UNC13C: variants seen among roughly 807,000 people sequenced by gnomAD.
UNC13C encodes protein unc-13 homolog C.
A neutral mutation model predicts 245.4 loss-of-function variants in UNC13C; 174 were observed. The observed-to-expected ratio is 0.71, with a 90% CI of 0.63 to 0.80. The LOEUF (loss-of-function observed/expected upper bound fraction) is 0.80. Among genes scored for constraint, UNC13C ranks in the 30% least tolerant of loss-of-function variants. The probability of loss-of-function intolerance (pLI) is 0.00; values close to 1 mark genes in which losing one functional copy is unlikely to be tolerated. For synonymous variants in UNC13C, 992 were observed against 895.1 expected (o/e 1.11, Z -1.93); for missense variants, 2,829 against 2,602.9 (o/e 1.09, Z -1.89).
chr15:54,625,790 A>ACTAT (rs1264461616), intron 32 of UNC13C, among the ~76,000 whole-genome samples: 2 of 152,114 alleles, frequency 1.3e-5, no homozygotes, highest in Non-Finnish European at 2.9e-5. Flanking sequence ...ACAACATTTC[A>ACTAT]CTATCTACTT....
intron 28 of UNC13C, among the ~76,000 whole-genome samples, chr15:54,550,121 T>G (rs1896673871): frequency 6.6e-6 from 1 of 152,186 alleles, no homozygotes; most frequent in African/African-American, 2.4e-5. Flanking sequence ...CCCAAAACAC[T>G]GGATTTAGGC....
intron 13 of UNC13C, among the ~76,000 whole-genome samples, chr15:54,313,748 T>G (rs1029990947): frequency 1.3e-5 from 2 of 151,616 alleles, no homozygotes; most frequent in African/African-American, 4.8e-5. Context: ...AAGGAACAGA[T>G]ACGTATACAA....
intron 2 of UNC13C, among the ~76,000 whole-genome samples, chr15:54,087,814 A>G (rs943011933): frequency 6.6e-6 from 1 of 152,202 alleles, no homozygotes; most frequent in East Asian, 1.9e-4. Context: ...AACAGTTACC[A>G]AAGTTTTTGT....
chr15:54,483,482 C>T (rs11071084), intron 19 of UNC13C, among the ~76,000 whole-genome samples: 62,727 of 151,780 alleles, frequency 0.41, 13,233 homozygotes, highest in East Asian at 0.62. Context: ...ATGAGAATTA[C>T]GCTGTTTTCT....
chr15:54,125,914 A>G (rs1049381009), intron 2 of UNC13C, among the ~76,000 whole-genome samples: 2 of 152,142 alleles, frequency 1.3e-5, no homozygotes, highest in African/African-American at 4.8e-5. Flanking sequence ...AACTGCCAAT[A>G]TCATGAATTA....
intron 27 of UNC13C, among the ~76,000 whole-genome samples, chr15:54,548,224 T>G (rs1233718478): frequency 2.2e-5 from 2 of 90,824 alleles, no homozygotes; most frequent in South Asian, 3.7e-4. Flanking sequence ...TTTTTTTTTT[T>G]TTTTTTTTTT....
At chr15:54,386,934 TC>T (rs1282889408) in intron 17 of UNC13C, among the ~76,000 whole-genome samples, 9 of 152,110 alleles carry the variant, frequency 5.9e-5, no homozygotes, top group Admixed American at 5.9e-4. Flanking sequence ...AAATTCTCTT[TC>T]TCAATCCTGT....
intron 1 of UNC13C, among the ~76,000 whole-genome samples, chr15:53,990,404 G>A (rs758196557): frequency 3.9e-4 from 59 of 152,120 alleles, no homozygotes; most frequent in African/African-American, 1.4e-3. Flanking sequence ...GGGCTCTTCT[G>A]TCTTGCCCTC....
chr15:54,498,538 T>A (rs1894054093), intron 20 of UNC13C, among the ~76,000 whole-genome samples: 1 of 152,158 alleles, frequency 6.6e-6, no homozygotes, highest in African/African-American at 2.4e-5. Context: ...AGGAAGTAGA[T>A]GAAAATTCAA....
chr15:53,964,486 T>C, the UNC13C span, among the ~76,000 whole-genome samples: 1 of 152,168 alleles, frequency 6.6e-6, no homozygotes, highest in African/African-American at 2.4e-5. Context: ...AATTACTGGG[T>C]AGCCAATATT....
At chr15:54,602,058 T>C (rs1342935386) in intron 30 of UNC13C, among the ~76,000 whole-genome samples, 3 of 140,508 alleles carry the variant, frequency 2.1e-5, no homozygotes, top group Admixed American at 7.3e-5. Flanking sequence ...CCCTTGGCCA[T>C]TTTATTCTGG....
At chr15:54,101,907 G>C (rs1322163080) in intron 2 of UNC13C, among the ~76,000 whole-genome samples, 3 of 151,610 alleles carry the variant, frequency 2.0e-5, no homozygotes, top group Non-Finnish European at 1.5e-5. Flanking sequence ...TTATACTTGG[G>C]TAACCTAGAG....
intron 2 of UNC13C, among the ~76,000 whole-genome samples, chr15:54,133,054 T>G (rs2031524591): frequency 6.6e-6 from 1 of 152,200 alleles, no homozygotes; most frequent in African/African-American, 2.4e-5. Flanking sequence ...AATGTAGGCA[T>G]TAGGTATTAT....
chr15:54,583,247 A>G (rs1325278397), intron 30 of UNC13C, among the ~76,000 whole-genome samples: 1 of 152,198 alleles, frequency 6.6e-6, no homozygotes, highest in Non-Finnish European at 1.5e-5. Context: ...AAACCTCTAG[A>G]TAAAAGAAAC....
intron 10 of UNC13C, among the ~76,000 whole-genome samples, chr15:54,271,852 AC>A (rs2036695720): frequency 6.6e-6 from 1 of 152,232 alleles, no homozygotes; most frequent in South Asian, 2.1e-4. Flanking sequence ...TAAGTATTCT[AC>A]GTATGTAACC....
intron 17 of UNC13C, among the ~76,000 whole-genome samples, chr15:54,339,632 T>G (rs1374020948): frequency 9.9e-6 from 1 of 101,004 alleles, no homozygotes; most frequent in African/African-American, 3.7e-5. Flanking sequence ...AGTATTCCAT[T>G]ATGTGGAGAT....
intron 17 of UNC13C, among the ~76,000 whole-genome samples, chr15:54,387,067 T>G (rs1286666759): frequency 6.6e-6 from 1 of 152,176 alleles, no homozygotes; most frequent in Non-Finnish European, 1.5e-5. Flanking sequence ...TCTAAACTGA[T>G]GGTGAACCCC....
intron 10 of UNC13C, among the ~76,000 whole-genome samples, chr15:54,275,803 A>G (rs982784300): frequency 2.6e-5 from 4 of 152,144 alleles, no homozygotes; most frequent in Admixed American, 2.6e-4. Context: ...AAAGACTTGT[A>G]TACAGATATT....
At chr15:54,029,025 G>A (rs56177349) in intron 2 of UNC13C, among the ~76,000 whole-genome samples, 3 of 152,138 alleles carry the variant, frequency 2.0e-5, no homozygotes, top group Non-Finnish European at 4.4e-5. Context: ...CTATTTATGA[G>A]AAATATTAAT....
Sources: allele counts gnomAD v4.1 joint callset (sites outside exome capture counted in the v4.1 genomes callset), GRCh38; gene constraint gnomAD v4.1.1; transcripts MANE v1.5; gene names NCBI Gene and HGNC (gene_info 2026-07-23, HGNC 2026-07-21).